Variants in RPH3AL observed in about 807,000 individuals in gnomAD.
RPH3AL encodes the protein rab effector Noc2.
Under a neutral mutation model 43.1 loss-of-function variants are expected in RPH3AL, and 38 were observed. The ratio of observed to expected loss-of-function variants is 0.88; its 90% CI spans 0.68 to 1.15. The LOEUF is 1.15. Among genes scored for constraint, RPH3AL ranks in the 50% most tolerant of loss-of-function variants. RPH3AL has a pLI of 0.00. For missense variants in RPH3AL, 462 were observed against 423.2 expected (o/e 1.09, Z -0.81); for synonymous variants, 189 against 176.3 (o/e 1.07, Z -0.57).
intron 6 of RPH3AL, among the ~76,000 whole-genome samples, chr17:258,576 C>T: frequency 6.6e-6 from 1 of 152,136 alleles, no homozygotes; most frequent in Non-Finnish European, 1.5e-5. Flanking sequence ...CCTCCCCTGG[C>T]ATATCCCAGC....
chr17:307,599 GCA>G (rs1205429268), intron 5 of RPH3AL, among the ~76,000 whole-genome samples: 2 of 152,188 alleles, frequency 1.3e-5, no homozygotes, highest in African/African-American at 2.4e-5. Context: ...TGAGCTGAGT[GCA>G]CACAGGAACT....
intron 6 of RPH3AL, among the ~76,000 whole-genome samples, chr17:273,045 TCAGGGAGAGACCCCAGC>T (rs1567604709): frequency 9.2e-5 from 10 of 108,980 alleles, no homozygotes; most frequent in Admixed American, 3.8e-4. Flanking sequence ...GAGGGCGACG[TCAGGGAGAGACCCCAGC>T]GAGGGCGACG....
rs1253222122 is a variant in RPH3AL at position 316,245 on chromosome 17, A to T, written c.351+3175T>A. ...CTGTAGTCCCTGTGCCCCCACCTCC[A>T]TTGACCTGTAGTCCCTGTGACTCCA... On this transcript the variant is annotated intron_variant, in intron 5 of 9. Transcript: ENST00000331302. Among the ~76,000 whole-genome samples the T allele has an allele frequency of 3.8e-4, 42 of 110,454 alleles. 2 individuals are homozygous for T. Among genetic ancestry groups the T allele is most frequent in the African/African-American group, 1.1e-3 (33 of 30,904 alleles). 72.5% of individuals were successfully genotyped at this position (110,454 alleles called of 152,430 possible). A position where few individuals can be genotyped will look rare whatever the true frequency, so the allele number is the denominator to read the frequency against.
chr17:239,662 T>C (rs1356920487), intron 7 of RPH3AL, among the ~76,000 whole-genome samples: 6 of 152,150 alleles, frequency 3.9e-5, no homozygotes, highest in African/African-American at 1.4e-4. Flanking sequence ...GGTCTCACTC[T>C]TTCACCCAGG....
At chr17:265,466 C>T (rs1818841268) in intron 6 of RPH3AL, among the ~76,000 whole-genome samples, 2 of 152,194 alleles carry the variant, frequency 1.3e-5, no homozygotes, top group African/African-American at 2.4e-5. Context: ...TATGCATACA[C>T]ATATCCACCT....
At chr17:352,418 G>A (rs1187314617) in intron 1 of RPH3AL, among the ~76,000 whole-genome samples, 2 of 151,988 alleles carry the variant, frequency 1.3e-5, no homozygotes, top group Non-Finnish European at 2.9e-5. Context: ...AGCGGGGCAT[G>A]AGGCTGTTCT....
At chr17:267,558 C>G (rs746223507) in intron 6 of RPH3AL, among the ~76,000 whole-genome samples, 21 of 152,240 alleles carry the variant, frequency 1.4e-4, no homozygotes, top group Non-Finnish European at 2.5e-4. Flanking sequence ...GAAACCCTGT[C>G]TGGGCTGACC....
intron 5 of RPH3AL, among the ~76,000 whole-genome samples, chr17:316,043 G>A (rs1272533454): frequency 7.0e-6 from 1 of 142,174 alleles, no homozygotes. Context: ...TTGACCTGTA[G>A]TCCCTGTGAC....
chr17:307,429 G>A (rs893749079), intron 5 of RPH3AL, among the ~76,000 whole-genome samples: 17 of 151,734 alleles, frequency 1.1e-4, no homozygotes, highest in Admixed American at 7.2e-4. Flanking sequence ...TCCTCCCCAC[G>A]GCAGGTCCTC....
At chr17:262,270 G>A (rs1042871905) in intron 6 of RPH3AL, among the ~76,000 whole-genome samples, 2 of 152,084 alleles carry the variant, frequency 1.3e-5, no homozygotes, top group Non-Finnish European at 1.5e-5. Flanking sequence ...CCAGGCTGGA[G>A]TGCAGCGGCA....
intron 6 of RPH3AL, among the ~76,000 whole-genome samples, chr17:269,072 G>A (rs1056325321): frequency 7.3e-4 from 111 of 152,238 alleles, no homozygotes; most frequent in Middle Eastern, 3.4e-3. Flanking sequence ...TAGAGACGGG[G>A]TTTCACCGTG....
chr17:217,036 C>T (rs2040821037), intron 8 of RPH3AL, among the ~76,000 whole-genome samples: 1 of 149,866 alleles, frequency 6.7e-6, no homozygotes, highest in African/African-American at 2.5e-5. Flanking sequence ...TCGCTGAAAT[C>T]AGGACCCCCA....
chr17:309,741 C>T (rs1366038504), intron 5 of RPH3AL, among the ~76,000 whole-genome samples: 5 of 150,790 alleles, frequency 3.3e-5, no homozygotes, highest in Non-Finnish European at 5.9e-5. Flanking sequence ...ACGGCATGTC[C>T]CCTGCCCTGC....
At position 213,788 on chromosome 17, in the gene RPH3AL, G is replaced by A; in HGVS notation, c.*64C>T. On this transcript the variant is annotated 3_prime_UTR_variant, in exon 10 of 10. Coordinates refer to ENST00000331302, the MANE Select transcript of RPH3AL (RefSeq NM_006987.4). ...GGTGAGGGCACAAGGACCGGTCAGG[G>A]AGGAGCCGGGCAGGGTCTGGCAGGA... 7.4e-7 allele frequency: 1 copy of A among 1,357,288 alleles called. No individual in the cohort carries two copies. Among genetic ancestry groups the A allele is most frequent in the South Asian group, 1.2e-5 (1 of 83,262 alleles). The allele number at this position is 1,357,288 out of a possible 1,614,324, so 84.1% of individuals were successfully genotyped here. A position where few individuals can be genotyped will look rare whatever the true frequency, so the allele number is the denominator to read the frequency against.
chr17:274,611 C>T lies in RPH3AL; in HGVS notation c.438+7157G>A, dbSNP rs2042610059. 2.6e-5 allele frequency among the ~76,000 whole-genome samples: 4 copies of T among 152,068 alleles called. No homozygotes were observed. The South Asian group carries it at 6.2e-4, about 24-fold the overall frequency. On this transcript the variant is annotated intron_variant, in intron 6 of 9. Coordinates refer to ENST00000331302, the MANE Select transcript of RPH3AL (RefSeq NM_006987.4). The surrounding 1 kb of genome is among the most constrained non-coding windows in gnomAD (Gnocchi z 4.7). ...GACAGCATAAGCCAGGGGCTGCGGT[C>T]CCTCGTCCTCCCTGGTTCCGACGGG...
At position 226,535 on chromosome 17, in the gene RPH3AL, G is replaced by C. The variant is rs954944355; in HGVS notation, c.614-6799C>G. Among the ~76,000 whole-genome samples the C allele has an allele frequency of 1.4e-4, 22 of 152,298 alleles. 1 individual carries two copies. The highest frequency in any genetic ancestry group is 3.4e-3 in the Middle Eastern group (1 of 294). On this transcript the variant is annotated intron_variant, in intron 7 of 9. Coordinates refer to ENST00000331302, the MANE Select transcript of RPH3AL (RefSeq NM_006987.4). Reference sequence around the variant, plus strand: ...ACTCGAAAGAAATAAACCAAAGGAAGTCAGCAGTGCCCGCACCAGCCTTGG... The same window carrying C: ...ACTCGAAAGAAATAAACCAAAGGAACTCAGCAGTGCCCGCACCAGCCTTGG...
Position 323,678 on chromosome 17 carries a change from C to T in RPH3AL, c.78-2263G>A, listed in dbSNP as rs1296561717. On this transcript the variant is annotated intron_variant, in intron 3 of 9. Coordinates refer to ENST00000331302, the MANE Select transcript of RPH3AL (RefSeq NM_006987.4). The surrounding 1 kb of genome is among the most constrained non-coding windows in gnomAD (Gnocchi z 4.4). Reference sequence around the variant, plus strand: ...GAACACACAGAAGGAGGGACAGAAGCATCAGCACCGCCACCACTGCCTGTC... The same window carrying T: ...GAACACACAGAAGGAGGGACAGAAGTATCAGCACCGCCACCACTGCCTGTC... Among the ~76,000 whole-genome samples the T allele has an allele frequency of 6.6e-6, 1 of 152,184 alleles. No homozygotes were observed. The highest frequency in any genetic ancestry group is 1.5e-5 in the Non-Finnish European group (1 of 68,016).
At chr17:236,580 A>T (rs1386671191) in intron 7 of RPH3AL, among the ~76,000 whole-genome samples, 1 of 151,984 alleles carries the variant, frequency 6.6e-6, no homozygotes, top group Admixed American at 6.5e-5. Context: ...GTTGGCTTGG[A>T]GGGCTGGCAA....
rs944084312 is a variant in RPH3AL at position 320,844 on chromosome 17, C to T, written c.221+428G>A. Among the ~76,000 whole-genome samples, 6 of 152,236 alleles carry T rather than the reference C, an allele frequency of 3.9e-5. No homozygotes were observed. The South Asian group carries it at 8.3e-4, about 21-fold the overall frequency. ...ACTGAGCTGTGGTCGGCGCTGGAGG[C>T]GGAGGCCAGGAGAGGCACGTAGAGC... is the stretch of plus-strand genomic sequence containing the variant. On this transcript the variant is annotated intron_variant, in intron 4 of 9. Transcript: ENST00000331302.
Sources: allele counts gnomAD v4.1 joint callset (sites outside exome capture counted in the v4.1 genomes callset), GRCh38; gene constraint gnomAD v4.1.1; non-coding constraint Gnocchi (gnomAD v3.1); transcripts MANE v1.5; gene names NCBI Gene and HGNC (gene_info 2026-07-23, HGNC 2026-07-21).